The following DNAH5 variants were observed in gnomAD, a reference collection of about 807,000 sequenced individuals.
The protein encoded by DNAH5 is dynein axonemal heavy chain 5, also known as axonemal beta dynein heavy chain 5.
A neutral mutation model predicts 518.2 loss-of-function variants in DNAH5; 372 were observed. The observed-to-expected ratio is 0.72, with a 90% CI of 0.66 to 0.78. DNAH5 has a LOEUF of 0.78. DNAH5 is among the 30% of genes least tolerant of loss of function. The pLI, the probability that DNAH5 is intolerant of heterozygous loss-of-function variation, is 0.00. For synonymous variants in DNAH5, 2,039 were observed against 2,025.9 expected, an observed-to-expected ratio of 1.01 and a Z score of -0.17; for missense variants, 5,523 against 5,687.0, an observed-to-expected ratio of 0.97 and a Z score of 0.93.
At chr5:13,735,976 A>G (rs1325578169) in intron 66 of DNAH5, 44 bp from the exon 67 acceptor site, 1 of 1,474,860 alleles carries the variant, frequency 6.8e-7, no homozygotes, top group African/African-American at 1.4e-5. Context: ...GAGAGAGGAA[A>G]ATAAATGATC....
At chr5:13,693,254 T>C (rs1438833307) in intron 78 of DNAH5, among the ~76,000 whole-genome samples, 1 of 152,234 alleles carries the variant, frequency 6.6e-6, no homozygotes, top group Non-Finnish European at 1.5e-5. Context: ...TCTGCTTTTG[T>C]GAATTAATGT....
rs114904056 is a variant in DNAH5 at position 13,820,553 on chromosome 5, G to A, written c.6688-54C>T. ...AAACACAACAATGATGGCCGGACACGGTGGCTCACGCCTGTAATCCCAACA... is the reference window on the plus strand; with the variant it reads ...AAACACAACAATGATGGCCGGACACAGTGGCTCACGCCTGTAATCCCAACA... On this transcript the variant is annotated intron_variant, in intron 40 of 78. Coordinates refer to ENST00000265104, the MANE Select transcript of DNAH5 (RefSeq NM_001369.3). The A allele has an allele frequency of 0.014, 22,257 of 1,599,732 alleles. 197 individuals carry two copies. Among genetic ancestry groups the A allele is most frequent in the Non-Finnish European group, 0.016 (19,269 of 1,172,670 alleles).
chr5:13,797,200 C>T (rs548459412), intron 47 of DNAH5, among the ~76,000 whole-genome samples: 10 of 152,066 alleles, frequency 6.6e-5, no homozygotes, highest in African/African-American at 2.2e-4. Context: ...AATAGACAAA[C>T]GGGATCTAAT....
chr5:13,807,129 G>C (rs930940418), intron 47 of DNAH5, among the ~76,000 whole-genome samples: 2 of 152,188 alleles, frequency 1.3e-5, no homozygotes, highest in African/African-American at 4.8e-5. Context: ...TAAAGAAATA[G>C]ATGTGAAATG....
At position 13,871,200 on chromosome 5, in the gene DNAH5, C is replaced by T. The variant is rs566644056; in HGVS notation, c.3599-198G>A. 7.2e-5 allele frequency among the ~76,000 whole-genome samples: 11 copies of T among 152,252 alleles called. No individual in the cohort carries two copies. The South Asian group carries it at 1.9e-3, about 26-fold the overall frequency. On this transcript the variant is annotated intron_variant, in intron 23 of 78. Transcript: ENST00000265104. ...TTTTTAAAGTTTGTTTTTACAACAA[C>T]TCAACACACATTTCAAAATGTTTTT...
chr5:13,821,005 G>A (rs1762176617), intron 40 of DNAH5, among the ~76,000 whole-genome samples: 1 of 152,014 alleles, frequency 6.6e-6, no homozygotes, highest in Non-Finnish European at 1.5e-5. Flanking sequence ...GCTCAACAAT[G>A]TAAGTGTGCT....
At chr5:13,902,713 C>T (rs1373560931) in intron 12 of DNAH5, among the ~76,000 whole-genome samples, 1 of 152,176 alleles carries the variant, frequency 6.6e-6, no homozygotes, top group Non-Finnish European at 1.5e-5. Context: ...TTGCTGACCC[C>T]TGCCCTAGAG....
chr5:13,775,161 C>T (rs1753906321), intron 55 of DNAH5, among the ~76,000 whole-genome samples: 1 of 146,918 alleles, frequency 6.8e-6, no homozygotes, highest in African/African-American at 2.5e-5. Flanking sequence ...ATCTTACCTC[C>T]AGTTATATTT....
intron 65 of DNAH5, among the ~76,000 whole-genome samples, chr5:13,740,879 T>C (rs917877683): frequency 6.6e-6 from 1 of 152,178 alleles, no homozygotes; most frequent in Non-Finnish European, 1.5e-5. Context: ...TTTATGGCAT[T>C]TACCACCTTC....
chr5:13,773,371 T>C (rs532355151), intron 55 of DNAH5, among the ~76,000 whole-genome samples: 44 of 152,102 alleles, frequency 2.9e-4, no homozygotes, highest in South Asian at 6.2e-4. Flanking sequence ...GCCTTGGAGA[T>C]TGAATAAATA....
At chr5:13,696,875 T>C (rs1386305634) in intron 78 of DNAH5, among the ~76,000 whole-genome samples, 1 of 152,232 alleles carries the variant, frequency 6.6e-6, no homozygotes, top group Admixed American at 6.5e-5. Flanking sequence ...TTCCTTTGCT[T>C]ATTTTATTTT....
intron 75 of DNAH5, among the ~76,000 whole-genome samples, chr5:13,709,623 T>C (rs1351879270): frequency 6.6e-6 from 1 of 152,168 alleles, no homozygotes; most frequent in Middle Eastern, 3.2e-3. Context: ...GCTCCGGATC[T>C]ACTCCAAGAA....
intron 35 of DNAH5, among the ~76,000 whole-genome samples, chr5:13,833,388 G>A (rs1032603406): frequency 2.0e-5 from 3 of 147,716 alleles, no homozygotes; most frequent in Non-Finnish European, 4.4e-5. Context: ...GCAGTGAGCC[G>A]AGATCACGCC....
At chr5:13,810,334 A>G in intron 44 of DNAH5, 74 bp from the exon 45 acceptor site, 1 of 1,265,378 alleles carries the variant, frequency 7.9e-7, no homozygotes, top group South Asian at 1.3e-5. Flanking sequence ...TTCAATGGGA[A>G]CAGTAAACAT....
At chr5:13,728,998 C>A (rs1224682785) in intron 69 of DNAH5, among the ~76,000 whole-genome samples, 4 of 152,042 alleles carry the variant, frequency 2.6e-5, no homozygotes, top group Non-Finnish European at 4.4e-5. Flanking sequence ...ATGGGAAGGG[C>A]AGGAGAGGAA....
intron 51 of DNAH5, among the ~76,000 whole-genome samples, chr5:13,786,873 C>T (rs567917805): frequency 2.0e-5 from 3 of 152,042 alleles, no homozygotes; most frequent in Non-Finnish European, 2.9e-5. Context: ...TAAGCATATT[C>T]GATTATTTCA....
At position 13,820,513 on chromosome 5, in the gene DNAH5, A is replaced by C. The variant is rs1446024829; in HGVS notation, c.6688-14T>G. On this transcript the variant is annotated splice_polypyrimidine_tract_variant and intron_variant, in intron 40 of 78. Coordinates refer to ENST00000265104, the MANE Select transcript of DNAH5 (RefSeq NM_001369.3). ...AGCTTCTTCAACCTGAAAACATAAG[A>C]GAATCCCCACATTGAAACACAACAA... The C allele has an allele frequency of 3.1e-6, 5 of 1,613,512 alleles. No homozygotes were observed. In the African/African-American group the frequency reaches 6.7e-5, roughly 22 times the overall value.
intron 65 of DNAH5, among the ~76,000 whole-genome samples, chr5:13,740,043 A>G (rs1748206219): frequency 1.3e-5 from 2 of 152,218 alleles, no homozygotes; most frequent in South Asian, 4.1e-4. Context: ...ACCCTTCCAC[A>G]GCCCAGCAAA....
chr5:13,851,653 A>G (rs886129597), intron 30 of DNAH5, among the ~76,000 whole-genome samples: 35 of 152,158 alleles, frequency 2.3e-4, no homozygotes, highest in East Asian at 5.8e-4. Context: ...TATGTCACCA[A>G]TGAGTATATA....
Sources: allele counts gnomAD v4.1 joint callset (sites outside exome capture counted in the v4.1 genomes callset), GRCh38; gene constraint gnomAD v4.1.1; transcripts MANE v1.5; gene names NCBI Gene and HGNC (gene_info 2026-07-23, HGNC 2026-07-21).